The following CPEB3 variants were observed in gnomAD, a reference collection of about 807,000 sequenced individuals.
CPEB3 encodes the protein cytoplasmic polyadenylation element binding protein 3, also known as cytoplasmic polyadenylation element-binding protein 3.
CPEB3 carries 20 observed loss-of-function variants against 67.2 expected under a neutral mutation model. The observed-to-expected ratio is 0.30, with a 90% CI of 0.21 to 0.43. The LOEUF is 0.43. CPEB3 is among the 20% of genes least tolerant of loss of function. The probability of loss-of-function intolerance (pLI) is 1.00; values close to 1 mark genes in which losing one functional copy is unlikely to be tolerated. For missense variants in CPEB3, 746 were observed against 968.6 expected (o/e 0.77, Z 3.05); for synonymous variants, 376 against 393.1 (o/e 0.96, Z 0.51).
chr10:92,279,909 G>A (rs1842182668), intron 1 of CPEB3, among the ~76,000 whole-genome samples: 1 of 152,056 alleles, frequency 6.6e-6, no homozygotes, highest in African/African-American at 2.4e-5. Context: ...AACTGGGGAG[G>A]TTGAGGCATG....
chr10:92,168,400 A>G (rs1847844148), intron 4 of CPEB3, among the ~76,000 whole-genome samples: 1 of 152,204 alleles, frequency 6.6e-6, no homozygotes, highest in Non-Finnish European at 1.5e-5. Flanking sequence ...ATGAGATAAA[A>G]GAATAAAGAG....
intron 1 of CPEB3, among the ~76,000 whole-genome samples, chr10:92,246,124 A>T (rs1368065356): frequency 6.6e-6 from 1 of 152,080 alleles, no homozygotes; most frequent in African/African-American, 2.4e-5. Context: ...TCACGAGGTC[A>T]GCAGATCAAG....
chr10:92,132,371 C>T (rs2133726757), intron 6 of CPEB3, among the ~76,000 whole-genome samples: 1 of 152,230 alleles, frequency 6.6e-6, no homozygotes, highest in African/African-American at 2.4e-5. Context: ...AATATAAATT[C>T]CAGACCAAAA....
intron 1 of CPEB3, among the ~76,000 whole-genome samples, chr10:92,262,075 C>A (rs2134902472): frequency 6.6e-6 from 1 of 152,292 alleles, no homozygotes; most frequent in South Asian, 2.1e-4. Context: ...AATCTGAAGT[C>A]ATATCTGTTC....
In CPEB3 at chr10:92,239,844, A is replaced by AGGCGGC; in HGVS notation, c.501_506dup (p.Pro168_Pro169dup). On this transcript the variant is annotated inframe_insertion, in exon 2 of 10. Transcript: ENST00000265997. The surrounding 1 kb of genome is among the most constrained non-coding windows in gnomAD (Gnocchi z 6.0). ...GCTGTGCCGGCTGCGGCGCGGGCGC[A>AGGCGGC]GGCGGCGGCGGCTGCTGGTGGTGCT... is the stretch of plus-strand genomic sequence containing the variant. 6.6e-7 allele frequency: 1 copy of AGGCGGC among 1,512,282 alleles called. No individual in the cohort carries two copies. Among genetic ancestry groups the AGGCGGC allele is most frequent in the Non-Finnish European group, 8.8e-7 (1 of 1,131,548 alleles). The allele number at this position is 1,512,282 out of a possible 1,614,324, so 93.7% of individuals were successfully genotyped here.
chr10:92,239,462 A>G lies in CPEB3; in HGVS notation c.889T>C (p.Ser297Pro). 1 of 1,597,040 alleles carries G rather than the reference A, an allele frequency of 6.3e-7. No homozygotes were observed. Among genetic ancestry groups the G allele is most frequent in the Non-Finnish European group, 8.5e-7 (1 of 1,171,526 alleles). ...TTGGGCGGCGCGATCACGTTGCTGG[A>G]GAAGGGCTTTTTGAGCGGCGAGATG... Reference protein sequence around the residue: ...NPISPLKKPFSSNVIAPPKFP... With the variant: ...NPISPLKKPFPSNVIAPPKFP... Residue 297 changes from serine to proline, a missense_variant, in exon 2 of 10, where the codon TCC becomes CCC. By Grantham distance (74) the Ser-to-Pro change is moderately conservative. This residue lies in a region of CPEB3 where 643 missense variants were observed against 717.5 expected (regional missense o/e 0.90). Coordinates refer to ENST00000265997, the MANE Select transcript of CPEB3 (RefSeq NM_014912.5). This position sits in a 1 kb window ranked among gnomAD's most constrained non-coding sequence, Gnocchi z 6.0.
intron 2 of CPEB3, among the ~76,000 whole-genome samples, chr10:92,204,511 C>T (rs1029592038): frequency 3.3e-5 from 5 of 152,124 alleles, no homozygotes; most frequent in African/African-American, 9.7e-5. Flanking sequence ...ACTCCCTGGC[C>T]ATCACTGGAA....
chr10:92,263,551 GT>G (rs1426803380), intron 1 of CPEB3, among the ~76,000 whole-genome samples: 3 of 152,178 alleles, frequency 2.0e-5, no homozygotes, highest in African/African-American at 7.2e-5. Context: ...AATTAGTTGT[GT>G]TAAGCCCATG....
intron 2 of CPEB3, among the ~76,000 whole-genome samples, chr10:92,223,207 G>C (rs535527001): frequency 9.8e-5 from 15 of 152,324 alleles, no homozygotes; most frequent in Non-Finnish European, 1.8e-4. Context: ...AATGGTAGTT[G>C]TTCCTTCTCT....
At chr10:92,104,436 G>A (rs1370625442) in intron 7 of CPEB3, among the ~76,000 whole-genome samples, 1 of 147,194 alleles carries the variant, frequency 6.8e-6, no homozygotes, top group East Asian at 2.0e-4. Flanking sequence ...AGGCTGGAGT[G>A]CAGTGGCTGG....
At chr10:92,216,621 G>T (rs878878372) in intron 2 of CPEB3, 2 of 1,609,914 alleles carry the variant, frequency 1.2e-6, no homozygotes, top group South Asian at 1.1e-5. Context: ...CTCCCAGTTA[G>T]GTGTGAGGAC....
intron 4 of CPEB3, among the ~76,000 whole-genome samples, chr10:92,178,155 T>C (rs1215814405): frequency 6.6e-6 from 1 of 151,754 alleles, no homozygotes; most frequent in Non-Finnish European, 1.5e-5. Flanking sequence ...TTCTTCTCAA[T>C]TATTCCTTTT....
intron 2 of CPEB3, among the ~76,000 whole-genome samples, chr10:92,227,747 T>A (rs1191411024): frequency 6.6e-6 from 1 of 151,498 alleles, no homozygotes; most frequent in Admixed American, 6.6e-5. Context: ...GCCCGCTACC[T>A]CGCCCGGCTA....
intron 4 of CPEB3, among the ~76,000 whole-genome samples, chr10:92,180,241 A>G (rs1345155226): frequency 6.6e-6 from 1 of 152,188 alleles, no homozygotes; most frequent in Non-Finnish European, 1.5e-5. Flanking sequence ...AATTATACTG[A>G]CAAAACTGTT....
rs1391654815 is a variant in CPEB3 at position 92,239,425 on chromosome 10, G to A, written c.926C>T (p.Ala309Val). ...CCAGGACTTGGAAGTGAGAGGGGCC[G>A]CGCGAGGGAACTTGGGCGGCGCGAT... Reference protein sequence around the residue: ...NVIAPPKFPRAAPLTSKSWME... With the variant: ...NVIAPPKFPRVAPLTSKSWME... The change falls in exon 2 of 10, where the codon GCG becomes GTG. Residue 309 changes from alanine (A) to valine (V), a missense_variant. Transcript: ENST00000265997. The surrounding 1 kb of genome is among the most constrained non-coding windows in gnomAD (Gnocchi z 6.0). The A allele has an allele frequency of 6.2e-7, 1 of 1,602,940 alleles. No homozygotes were observed. The highest frequency in any genetic ancestry group is 8.5e-7 in the Non-Finnish European group (1 of 1,174,530).
intron 4 of CPEB3, among the ~76,000 whole-genome samples, chr10:92,156,506 G>A (rs1373095027): frequency 6.6e-6 from 1 of 152,116 alleles, no homozygotes; most frequent in African/African-American, 2.4e-5. Flanking sequence ...GGAAAATCTT[G>A]ACAAGATCTG....
chr10:92,058,774 C>T (rs985085757), intron 9 of CPEB3, among the ~76,000 whole-genome samples: 1 of 151,332 alleles, frequency 6.6e-6, no homozygotes, highest in African/African-American at 2.4e-5. Flanking sequence ...AAAGAAACAT[C>T]TTTATTGATG....
At position 92,052,659 on chromosome 10, in the gene CPEB3, CTGTT is replaced by C. The variant is rs759807916; in HGVS notation, c.1870-224_1870-221del. Among the ~76,000 whole-genome samples the C allele has an allele frequency of 3.3e-5, 5 of 152,318 alleles. No homozygotes were observed. In the East Asian group the frequency reaches 9.6e-4, roughly 29 times the overall value. ...ACAAATTCTTAAAATCTCTGTGCCT[CTGTT>C]TGCTCTATCACTGTATCTGTAAAAT... On this transcript the variant is annotated intron_variant, in intron 9 of 9. Transcript: ENST00000265997.
At chr10:92,212,096 G>A (rs1850121579) in intron 2 of CPEB3, among the ~76,000 whole-genome samples, 1 of 151,344 alleles carries the variant, frequency 6.6e-6, no homozygotes, top group Non-Finnish European at 1.5e-5. Context: ...GGCCAGGCTG[G>A]TTTTGAACTC....
Sources: gnomAD v4.1 joint callset for allele counts (sites outside exome capture counted in the v4.1 genomes callset) on GRCh38, gnomAD v4.1.1 for gene constraint, gnomAD v4.1.1 regional missense constraint, Gnocchi (gnomAD v3.1) non-coding constraint, MANE v1.5 for transcripts, NCBI Gene and HGNC (gene_info 2026-07-23, HGNC 2026-07-21) for gene names.